Variants in ALDH18A1 observed in about 807,000 individuals in gnomAD.
ALDH18A1 encodes delta-1-pyrroline-5-carboxylate synthase.
ALDH18A1 carries 44 observed loss-of-function variants against 88.8 expected under a neutral mutation model. That is an observed-to-expected ratio of 0.50 (90% CI 0.39 to 0.64). ALDH18A1 has a LOEUF of 0.64. ALDH18A1 is among the 30% of genes least tolerant of loss of function. The pLI, the probability that ALDH18A1 is intolerant of heterozygous loss-of-function variation, is 0.00. For synonymous variants in ALDH18A1, 331 were observed against 372.1 expected, an observed-to-expected ratio of 0.89 and a Z score of 1.27; for missense variants, 782 against 1,009.5, an observed-to-expected ratio of 0.77 and a Z score of 3.05.
Position 95,643,223 on chromosome 10 carries a change from C to T in ALDH18A1, c.89-17G>A. ...GGATACAATCTGTAGCCATCAAAGTCAAATGCAAGAAAAAAAGAAATACTC... is the reference window on the plus strand; with the variant it reads ...GGATACAATCTGTAGCCATCAAAGTTAAATGCAAGAAAAAAAGAAATACTC... On this transcript the variant is annotated splice_polypyrimidine_tract_variant and intron_variant, in intron 2 of 17. Transcript: ENST00000371224. The T allele has an allele frequency of 6.2e-7, 1 of 1,612,030 alleles. No homozygotes were observed. The highest frequency in any genetic ancestry group is 8.5e-7 in the Non-Finnish European group (1 of 1,178,556).
At position 95,644,588 on chromosome 10, in the gene ALDH18A1, C is replaced by T. The variant is rs949551471; in HGVS notation, c.89-1382G>A. On this transcript the variant is annotated intron_variant, in intron 2 of 17. Coordinates refer to ENST00000371224, the MANE Select transcript of ALDH18A1 (RefSeq NM_002860.4). Reference sequence around the variant, plus strand: ...GGGCCCAACACCTCCTGCTTAGCTGCTTACTACTTACCCATTCGCCCTTTC... The same window carrying T: ...GGGCCCAACACCTCCTGCTTAGCTGTTTACTACTTACCCATTCGCCCTTTC... Among the ~76,000 whole-genome samples the T allele has an allele frequency of 7.2e-5, 11 of 152,206 alleles. No homozygotes were observed. In the East Asian group the frequency reaches 2.1e-3, roughly 29 times the overall value.
At chr10:95,623,866 T>TA (rs1363831435) in intron 11 of ALDH18A1, among the ~76,000 whole-genome samples, 8 of 148,456 alleles carry the variant, frequency 5.4e-5, no homozygotes, top group Non-Finnish European at 8.9e-5. Context: ...CGCCTAGCTG[T>TA]AATTTTTGTA....
At chr10:95,649,319 C>T (rs909553547) in intron 2 of ALDH18A1, among the ~76,000 whole-genome samples, 2 of 151,590 alleles carry the variant, frequency 1.3e-5, no homozygotes, top group African/African-American at 4.8e-5. Flanking sequence ...AGTTCGAGAC[C>T]AGCCAGAGCA....
At chr10:95,646,668 T>C (rs1423985997) in intron 2 of ALDH18A1, among the ~76,000 whole-genome samples, 1 of 152,082 alleles carries the variant, frequency 6.6e-6, no homozygotes, top group Non-Finnish European at 1.5e-5. Context: ...GAGAAGGCCT[T>C]GATTAGTTAG....
In ALDH18A1 at chr10:95,648,869, A is replaced by C. The variant is rs563663907; in HGVS notation, c.88+4421T>G. 1.8e-4 allele frequency among the ~76,000 whole-genome samples: 27 copies of C among 152,316 alleles called. No individual in the cohort carries two copies. The South Asian group carries it at 5.4e-3, about 30-fold the overall frequency. ...CCAGTCCAAAATACCATCCCACAGA[A>C]TTGTGACCTAAACAGACAGTTGTTT... On this transcript the variant is annotated intron_variant, in intron 2 of 17. Coordinates refer to ENST00000371224, the MANE Select transcript of ALDH18A1 (RefSeq NM_002860.4).
Position 95,626,695 on chromosome 10 carries a change from G to GTAACAATA in ALDH18A1, c.1152+7_1152+8insTATTGTTA. 2 of 1,613,534 alleles carry GTAACAATA rather than the reference G, an allele frequency of 1.2e-6. No homozygotes were observed. Among genetic ancestry groups the GTAACAATA allele is most frequent in the Non-Finnish European group, 1.7e-6 (2 of 1,179,666 alleles). On this transcript the variant is annotated splice_region_variant and intron_variant, in intron 10 of 17. Transcript: ENST00000371224. ...AACTATAACAATATTATCACCTAAG[G>GTAACAATA]TTATTACCTGCTCAGGTTCCAAGGT...
At chr10:95,638,289 T>C (rs927493943) in intron 3 of ALDH18A1, among the ~76,000 whole-genome samples, 1 of 152,116 alleles carries the variant, frequency 6.6e-6, no homozygotes, top group South Asian at 2.1e-4. Flanking sequence ...TCCCAAAGCA[T>C]TGGGATTACA....
chr10:95,650,701 C>T (rs1196599543), intron 2 of ALDH18A1, among the ~76,000 whole-genome samples: 4 of 152,126 alleles, frequency 2.6e-5, no homozygotes, highest in African/African-American at 9.7e-5. Flanking sequence ...CCTGCAGAAC[C>T]ATGACAAATA....
intron 2 of ALDH18A1, among the ~76,000 whole-genome samples, chr10:95,648,719 G>C (rs1252809024): frequency 6.6e-6 from 1 of 152,138 alleles, no homozygotes; most frequent in Non-Finnish European, 1.5e-5. Context: ...CAGCCTGCTG[G>C]AGAATGAGAA....
chr10:95,613,906 C>A (rs759835055), intron 14 of ALDH18A1, 43 bp from the exon 15 acceptor site: 62 of 1,614,164 alleles, frequency 3.8e-5, no homozygotes, highest in Non-Finnish European at 5.3e-5. Flanking sequence ...TGACATGATC[C>A]AGAGCTGCAG....
At chr10:95,652,448 G>A (rs2097911780) in intron 2 of ALDH18A1, among the ~76,000 whole-genome samples, 1 of 152,202 alleles carries the variant, frequency 6.6e-6, no homozygotes, top group Admixed American at 6.5e-5. Context: ...AAAATAGCAT[G>A]GGGCCGGGCA....
intron 3 of ALDH18A1, among the ~76,000 whole-genome samples, chr10:95,638,836 T>A (rs776788543): frequency 6.6e-6 from 1 of 152,220 alleles, no homozygotes; most frequent in Admixed American, 6.5e-5. Context: ...TCCAGCTGTT[T>A]AACAAACAGC....
At chr10:95,622,222 GGGTCT>G (rs1372340220) in intron 11 of ALDH18A1, among the ~76,000 whole-genome samples, 7 of 152,188 alleles carry the variant, frequency 4.6e-5, no homozygotes, top group South Asian at 4.2e-4. Context: ...TTTAGAGACA[GGGTCT>G]CAGTGTGCCG....
At chr10:95,636,346 T>A (rs11592213) in intron 5 of ALDH18A1, among the ~76,000 whole-genome samples, 42,087 of 152,234 alleles carry the variant, frequency 0.28, 6,792 homozygotes, top group Admixed American at 0.4. Context: ...TAGATTTTTT[T>A]TTCAGTTGTT....
chr10:95,621,767 C>T (rs906351780), intron 11 of ALDH18A1, among the ~76,000 whole-genome samples: 10 of 152,054 alleles, frequency 6.6e-5, no homozygotes, highest in Non-Finnish European at 1.5e-5. Context: ...CCCTTTGTCC[C>T]AGCAATTTCA....
In ALDH18A1 at chr10:95,609,769, A is replaced by ATTTTTTTTTTTTTTTT. The variant is rs55659918; in HGVS notation, c.2206+412_2206+427dup. Among the ~76,000 whole-genome samples the ATTTTTTTTTTTTTTTT allele has an allele frequency of 6.1e-4, 70 of 114,210 alleles. 4 individuals carry two copies. The highest frequency in any genetic ancestry group is 9.3e-4 in the African/African-American group (27 of 29,098). The allele number at this position is 114,210 out of a possible 152,430, so 74.9% of individuals were successfully genotyped here. ...CCTACCTTGCCAGAAGTCTGTCTCT[A>ATTTTTTTTTTTTTTTT]TTTTTTTTTTTTTTTTGAGATGGTG... On this transcript the variant is annotated intron_variant, in intron 17 of 17. Transcript: ENST00000371224.
chr10:95,615,093 C>T lies in ALDH18A1; in HGVS notation c.1606-932G>A, dbSNP rs150778910. On this transcript the variant is annotated intron_variant, in intron 13 of 17. Transcript: ENST00000371224. ...TTCCCAGCACTTTGGGAGGCTGAGG[C>T]AGGCAGATTGCCTGAGCTCAGGAGT... 2.0e-4 allele frequency among the ~76,000 whole-genome samples: 30 copies of T among 152,220 alleles called. No homozygotes were observed. In the East Asian group the frequency reaches 5.6e-3, roughly 28 times the overall value.
intron 2 of ALDH18A1, among the ~76,000 whole-genome samples, chr10:95,650,612 C>T (rs1379184919): frequency 6.6e-6 from 1 of 152,132 alleles, no homozygotes; most frequent in Non-Finnish European, 1.5e-5. Flanking sequence ...ACAACAGCTC[C>T]CCTTCATCCT....
intron 2 of ALDH18A1, among the ~76,000 whole-genome samples, chr10:95,649,217 C>T (rs2097906042): frequency 6.8e-6 from 1 of 148,108 alleles, no homozygotes; most frequent in Admixed American, 6.7e-5. Flanking sequence ...CAAAAATTAA[C>T]TCAAAATAGA....
Sources: gnomAD v4.1 joint callset for allele counts (sites outside exome capture counted in the v4.1 genomes callset) on GRCh38, gnomAD v4.1.1 for gene constraint, MANE v1.5 for transcripts, NCBI Gene and HGNC (gene_info 2026-07-23, HGNC 2026-07-21) for gene names.